CNST: variants seen among roughly 807,000 people sequenced by gnomAD.
CNST encodes consortin, connexin sorting protein, also known as consortin.
In CNST, 39 loss-of-function variants were observed where a neutral mutation model predicts 72.4. The ratio of observed to expected loss-of-function variants is 0.54; its 90% CI spans 0.42 to 0.70. The LOEUF (loss-of-function observed/expected upper bound fraction) is 0.70. CNST is among the 30% of genes least tolerant of loss of function. CNST has a pLI of 0.00. For missense variants in CNST, 871 were observed against 868.5 expected (o/e 1.00, Z -0.04); for synonymous variants, 332 against 320.1 (o/e 1.04, Z -0.40).
chr1:246,585,480 G>A (rs796953464), intron 1 of CNST, among the ~76,000 whole-genome samples: 1 of 151,268 alleles, frequency 6.6e-6, no homozygotes, highest in African/African-American at 2.4e-5. Context: ...AACCCTGCAT[G>A]TACTAAAAAT....
chr1:246,589,237 G>A (rs1453194247), intron 1 of CNST, among the ~76,000 whole-genome samples: 2 of 151,324 alleles, frequency 1.3e-5, no homozygotes, highest in African/African-American at 4.9e-5. Flanking sequence ...CTAGCATTAG[G>A]TATATCTCCT....
At chr1:246,633,574 C>T (rs1204867860) in intron 4 of CNST, among the ~76,000 whole-genome samples, 1 of 151,760 alleles carries the variant, frequency 6.6e-6, no homozygotes, top group Non-Finnish European at 1.5e-5. Context: ...AACCCCGTCT[C>T]TACTAAAAAT....
At chr1:246,608,942 T>G (rs1663114775) in intron 2 of CNST, among the ~76,000 whole-genome samples, 1 of 152,224 alleles carries the variant, frequency 6.6e-6, no homozygotes, top group Non-Finnish European at 1.5e-5. Context: ...CTTTTGCCAT[T>G]AGTTTACAAG....
chr1:246,570,413 T>G (rs1024109495), intron 1 of CNST, among the ~76,000 whole-genome samples: 1 of 152,222 alleles, frequency 6.6e-6, no homozygotes, highest in African/African-American at 2.4e-5. Flanking sequence ...GTGTGTTATA[T>G]CTACATTAAT....
At chr1:246,656,577 A>T (rs900311749) in intron 9 of CNST, among the ~76,000 whole-genome samples, 6 of 152,174 alleles carry the variant, frequency 3.9e-5, no homozygotes, top group African/African-American at 1.4e-4. Flanking sequence ...TTAAGGCTTT[A>T]TTTTTTGAGA....
intron 4 of CNST, 36 bp from the exon 5 acceptor site, chr1:246,633,888 G>T: frequency 7.4e-7 from 1 of 1,353,852 alleles, no homozygotes; most frequent in Non-Finnish European, 1.1e-6. Context: ...AATGTAAATA[G>T]TGTGGATTTC....
chr1:246,661,953 T>C (rs1270415783), intron 10 of CNST, among the ~76,000 whole-genome samples: 2 of 152,172 alleles, frequency 1.3e-5, no homozygotes, highest in African/African-American at 4.8e-5. Flanking sequence ...TTGCACTAAT[T>C]TGACCAAATC....
chr1:246,573,652 C>T (rs1309889813), intron 1 of CNST, among the ~76,000 whole-genome samples: 1 of 152,164 alleles, frequency 6.6e-6, no homozygotes, highest in African/African-American at 2.4e-5. Flanking sequence ...TTCCCTGAAG[C>T]CTCAAAGAGA....
rs1224639959 is a variant in CNST, at chr1:246,631,875, TTTTC to T, written c.586-15_586-12del. 8 of 1,474,528 alleles carry T rather than the reference TTTTC, an allele frequency of 5.4e-6. No individual in the cohort carries two copies. In the African/African-American group the frequency reaches 5.6e-5, roughly 10 times the overall value. 91.3% of individuals were successfully genotyped at this position (1,474,528 alleles called of 1,614,324 possible). A position where few individuals can be genotyped will look rare whatever the true frequency, so the allele number is the denominator to read the frequency against. On this transcript the variant is annotated splice_polypyrimidine_tract_variant and intron_variant, in intron 3 of 10. Transcript: ENST00000366513. ...AAGTGTTAATTTAATTTTCTCTGTGTTTTCTTTGTTTTTAACAGATAGCAGAATC... is the reference window on the plus strand; with the variant it reads ...AAGTGTTAATTTAATTTTCTCTGTGTTTTGTTTTTAACAGATAGCAGAATC...
At chr1:246,632,319 TG>T in intron 4 of CNST, 1 of 298,522 alleles carries the variant, frequency 3.3e-6, no homozygotes. Flanking sequence ...GCCACAGACT[TG>T]GGACCCGGGA....
intron 2 of CNST, among the ~76,000 whole-genome samples, chr1:246,599,397 G>A (rs1286486283): frequency 6.6e-6 from 1 of 152,176 alleles, no homozygotes; most frequent in African/African-American, 2.4e-5. Context: ...GGGAGAATCT[G>A]TTTCCTTGCC....
intron 1 of CNST, among the ~76,000 whole-genome samples, chr1:246,582,733 C>T (rs1308588324): frequency 6.6e-6 from 1 of 152,228 alleles, no homozygotes; most frequent in Non-Finnish European, 1.5e-5. Context: ...TTCTGTACTT[C>T]CTCACCTTTT....
rs750150014 is a variant in CNST, at chr1:246,634,585, A to G, written c.816A>G (p.Gln272=). The change falls in exon 6 of 11, where the codon CAA becomes CAG. Residue 272 remains glutamine (Q), a splice_region_variant and synonymous_variant. Transcript: ENST00000366513. ...ERLTKICATH[Q]DPLLSKHKIA... is the part of the protein sequence containing the mutation. ...TTACGAAAATTTGTGCAACACATCA[A>G]GAGTAAGTATATCAGAATTTCGTTA... The G allele has an allele frequency of 2.1e-5, 33 of 1,541,078 alleles. No homozygotes were observed. Among genetic ancestry groups the G allele is most frequent in the Non-Finnish European group, 2.8e-5 (32 of 1,127,166 alleles).
In CNST at chr1:246,591,739, A is replaced by G. The variant is rs551742906; in HGVS notation, c.177A>G (p.Gly59=). The change falls in exon 2 of 11, where the codon GGA becomes GGG. Residue 59 remains glycine (G), a synonymous_variant. Coordinates refer to ENST00000366513, the MANE Select transcript of CNST (RefSeq NM_152609.3). ...TGACCAGCAGTGACAGTGCGATGGG[A>G]AAGCCCCAAGTGTCTGAGCAGGACA... The part of the protein sequence containing the change: ...EHLTSSDSAM[G]KPQVSEQDSL... The G allele has an allele frequency of 2.5e-6, 4 of 1,614,186 alleles. No individual in the cohort carries two copies. Among genetic ancestry groups the G allele is most frequent in the South Asian group, 1.1e-5 (1 of 91,084 alleles).
intron 9 of CNST, among the ~76,000 whole-genome samples, chr1:246,659,011 G>C (rs1229376031): frequency 1.3e-5 from 2 of 152,194 alleles, no homozygotes; most frequent in Admixed American, 6.5e-5. Context: ...ACATAGGCAG[G>C]AGAGAGGCAG....
chr1:246,601,732 T>G (rs958643277), intron 2 of CNST, among the ~76,000 whole-genome samples: 1 of 152,112 alleles, frequency 6.6e-6, no homozygotes, highest in African/African-American at 2.4e-5. Flanking sequence ...AGGCGGAGGT[T>G]GCAGTGAGCC....
intron 2 of CNST, chr1:246,607,414 G>C (rs1297710833): frequency 6.6e-6 from 1 of 152,252 alleles, no homozygotes; most frequent in East Asian, 1.9e-4. Flanking sequence ...TCTGCTTATG[G>C]TTTTTGTATA....
chr1:246,649,247 A>G (rs148415032), intron 9 of CNST, among the ~76,000 whole-genome samples: 1,992 of 152,108 alleles, frequency 0.013, 18 homozygotes, highest in Middle Eastern at 0.037. Context: ...GGGCAATGAA[A>G]AATGTTGGAA....
At chr1:246,578,504 T>G (rs1660579065) in intron 1 of CNST, among the ~76,000 whole-genome samples, 1 of 151,926 alleles carries the variant, frequency 6.6e-6, no homozygotes, top group Non-Finnish European at 1.5e-5. Flanking sequence ...ACCCCGTCTC[T>G]ACTAAACATA....
Sources: allele counts gnomAD v4.1 joint callset (sites outside exome capture counted in the v4.1 genomes callset), GRCh38; gene constraint gnomAD v4.1.1; transcripts MANE v1.5; gene names NCBI Gene and HGNC (gene_info 2026-07-23, HGNC 2026-07-21).